Variants in USP26 observed in about 807,000 individuals in gnomAD.
The protein encoded by USP26 is ubiquitin specific peptidase 26, also known as ubiquitin carboxyl-terminal hydrolase 26.
For synonymous variants in USP26, 236 were observed against 240.6 expected (o/e 0.98, Z 0.18); for missense variants, 649 against 642.3 (o/e 1.01, Z -0.11).
Position 133,024,732 on chromosome X carries a change from T to C in USP26, c.*747A>G, listed in dbSNP as rs1335829165. On this transcript the variant is annotated 3_prime_UTR_variant, in exon 6 of 6. Transcript: ENST00000511190. ...TCAAAACCTTTTACAAAATAAGCAA[T>C]TTAAATATACAACCAAGGTAGTGTA... 1.8e-5 allele frequency: 2 copies of C among 111,246 alleles called. No individual in the cohort carries two copies. The highest frequency in any genetic ancestry group is 6.5e-5 in the African/African-American group (2 of 30,604). 9.2% of individuals were successfully genotyped at this position (111,246 alleles called of 1,213,427 possible).
At chrX:133,075,895 C>T (rs1214855279) in intron 5 of USP26, among the ~76,000 whole-genome samples, 2 of 111,753 alleles carry the variant, frequency 1.8e-5, no homozygotes, top group Non-Finnish European at 3.8e-5. Flanking sequence ...GTTATCCCAT[C>T]TTTTTAGAGT....
intron 5 of USP26, among the ~76,000 whole-genome samples, chrX:133,055,546 C>T (rs965547731): frequency 8.0e-5 from 9 of 111,855 alleles, no homozygotes; most frequent in Admixed American, 1.9e-4. Flanking sequence ...TTGTCCTTTA[C>T]ATGTAGGCAA....
chrX:133,026,644 A>C lies in USP26; in HGVS notation c.1577T>G (p.Leu526Trp). ...CTTCTTTAATGCACAAAACTCATTC[A>C]AGCTATAGCGTTTGAGGTGAACAAT... ...ILIVHLKRYS[L>W]NEFCALKKND... Residue 526 changes from leucine to tryptophan, a missense_variant, in exon 6 of 6, where the codon TTG becomes TGG. Physicochemically the swap from Leu to Trp is moderately conservative, Grantham distance 61 (BLOSUM62 -2). Coordinates refer to ENST00000511190, the MANE Select transcript of USP26 (RefSeq NM_031907.3). The C allele has an allele frequency of 1.2e-5, 15 of 1,207,944 alleles. No homozygotes were observed. Among genetic ancestry groups the C allele is most frequent in the Non-Finnish European group, 1.7e-5 (15 of 893,770 alleles).
At chrX:133,043,424 A>G (rs1240540209) in intron 5 of USP26, among the ~76,000 whole-genome samples, 1 of 112,463 alleles carries the variant, frequency 8.9e-6, no homozygotes, top group East Asian at 2.8e-4. Context: ...CTTTACTCAT[A>G]TCTGACATCC....
intron 5 of USP26, among the ~76,000 whole-genome samples, chrX:133,061,131 AAC>A (rs1602981296): frequency 8.9e-6 from 1 of 111,969 alleles, no homozygotes; most frequent in African/African-American, 3.2e-5. Flanking sequence ...AAATATTAAT[AAC>A]AAAAAAGTTT....
At chrX:133,093,960 A>G (rs2067617397) in intron 1 of USP26, among the ~76,000 whole-genome samples, 1 of 95,255 alleles carries the variant, frequency 1.0e-5, no homozygotes, top group African/African-American at 4.0e-5. Flanking sequence ...CATCCTGGGT[A>G]ACAAAGCCAG....
intron 5 of USP26, among the ~76,000 whole-genome samples, chrX:133,063,164 G>A (rs1488145996): frequency 1.8e-5 from 2 of 110,773 alleles, no homozygotes; most frequent in Non-Finnish European, 3.8e-5. Flanking sequence ...TAAGGTGTGA[G>A]GACAGGATTA....
intron 5 of USP26, among the ~76,000 whole-genome samples, chrX:133,036,511 T>C (rs2067396280): frequency 9.0e-6 from 1 of 111,684 alleles, no homozygotes; most frequent in South Asian, 3.8e-4. Flanking sequence ...CATGAACTCA[T>C]TCTTTTTTAT....
At chrX:133,092,320 T>C (rs2067610297) in intron 1 of USP26, among the ~76,000 whole-genome samples, 1 of 111,945 alleles carries the variant, frequency 8.9e-6, no homozygotes, top group African/African-American at 3.2e-5. Context: ...ATTACCATGG[T>C]GAAAAAGACT....
chrX:133,086,836 T>A (rs1227516188), intron 4 of USP26, among the ~76,000 whole-genome samples: 18 of 103,267 alleles, frequency 1.7e-4, no homozygotes, highest in African/African-American at 6.5e-4. Context: ...ATTGCTTGAA[T>A]CTGGGAGGCG....
At chrX:133,088,725 T>TC (rs1458386904) in intron 4 of USP26, among the ~76,000 whole-genome samples, 1 of 112,231 alleles carries the variant, frequency 8.9e-6, no homozygotes, top group Non-Finnish European at 1.9e-5. Flanking sequence ...CCTTGTGACT[T>TC]ACTTTTTAAA....
chrX:133,026,176 G>A lies in USP26; in HGVS notation c.2045C>T (p.Thr682Ile), dbSNP rs763728028. ...TTGAAAGTCAACTTTTGAGAGAGGTGTGCCTGGGCTGCTGGCAGGTTTACC... is the reference window on the plus strand; with the variant it reads ...TTGAAAGTCAACTTTTGAGAGAGGTATGCCTGGGCTGCTGGCAGGTTTACC... ...AGGKPASSPG[T>I]PLSKVDFQTV... is the part of the protein sequence containing the mutation. The change falls in exon 6 of 6, where the codon ACA (threonine) becomes ATA (isoleucine). Residue 682 changes from threonine to isoleucine, a missense_variant. Physicochemically the swap from Thr to Ile is moderately conservative, Grantham distance 89. Coordinates refer to ENST00000511190, the MANE Select transcript of USP26 (RefSeq NM_031907.3). 3.5e-5 allele frequency: 42 copies of A among 1,210,956 alleles called. 1 individual carries two copies. The South Asian group carries it at 6.9e-4, about 20-fold the overall frequency.
At chrX:133,073,577 TTA>T (rs1347862023) in intron 5 of USP26, among the ~76,000 whole-genome samples, 1 of 110,910 alleles carries the variant, frequency 9.0e-6, no homozygotes, top group Non-Finnish European at 1.9e-5. Context: ...AGCACGTTTA[TTA>T]TATGCTTAGA....
Position 133,028,227 on chromosome X carries a change from T to C in USP26, c.-7A>G. On this transcript the variant is annotated 5_prime_UTR_variant, in exon 6 of 6. Transcript: ENST00000511190. ...GTAGGAATAGGGCAGCCATGTTTTC[T>C]TTACAAATAAAATATACGTATCTCC... 2.5e-6 allele frequency: 3 copies of C among 1,209,929 alleles called. No homozygotes were observed. The highest frequency in any genetic ancestry group is 3.5e-5 in the South Asian group (2 of 56,910).
At chrX:133,095,815 G>A (rs1394311346) in intron 1 of USP26, among the ~76,000 whole-genome samples, 3 of 111,174 alleles carry the variant, frequency 2.7e-5, no homozygotes, top group Non-Finnish European at 3.8e-5. Flanking sequence ...CACAATTTCG[G>A]CTCACTGCAA....
intron 5 of USP26, among the ~76,000 whole-genome samples, chrX:133,071,644 T>C (rs2067531071): frequency 8.9e-6 from 1 of 112,011 alleles, no homozygotes; most frequent in Non-Finnish European, 1.9e-5. Flanking sequence ...AAATGCCATA[T>C]ATAGAAGCAG....
Position 133,039,342 on chromosome X carries a change from CCAGA to C in USP26, c.-76-11050_-76-11047del, listed in dbSNP as rs200928996. Reference sequence around the variant, plus strand: ...CTCTAAACACTGCTTTAGCTGTGTCCCAGAGATTCTGTTACATTGTCTCTTTGTT... The same window carrying C: ...CTCTAAACACTGCTTTAGCTGTGTCCGATTCTGTTACATTGTCTCTTTGTT... On this transcript the variant is annotated intron_variant, in intron 5 of 5. Transcript: ENST00000511190. Among the ~76,000 whole-genome samples the C allele has an allele frequency of 2.7e-3, 306 of 111,770 alleles. 1 individual carries two copies. The highest frequency in any genetic ancestry group is 9.7e-3 in the African/African-American group (299 of 30,775).
chrX:133,034,956 A>G (rs1051880169), intron 5 of USP26, among the ~76,000 whole-genome samples: 1 of 112,260 alleles, frequency 8.9e-6, no homozygotes, highest in Admixed American at 9.4e-5. Context: ...GGGAAGGGGT[A>G]GTAAAATTGG....
rs938394628 is a variant in USP26, at chrX:133,028,258, T to C, written c.-38A>G. Reference sequence around the variant, plus strand: ...AATAAAATATACGTATCTCCGATTATTGATAATCTTGAAGTTCCAATCTGT... The same window carrying C: ...AATAAAATATACGTATCTCCGATTACTGATAATCTTGAAGTTCCAATCTGT... On this transcript the variant is annotated 5_prime_UTR_variant, in exon 6 of 6. Transcript: ENST00000511190. 5.8e-6 allele frequency: 7 copies of C among 1,199,284 alleles called. No homozygotes were observed. Among genetic ancestry groups the C allele is most frequent in the African/African-American group, 1.8e-5 (1 of 57,083 alleles).
Sources: gnomAD v4.1 joint callset for allele counts (sites outside exome capture counted in the v4.1 genomes callset) on GRCh38, gnomAD v4.1.1 for gene constraint, MANE v1.5 for transcripts, NCBI Gene and HGNC (gene_info 2026-07-23, HGNC 2026-07-21) for gene names.